STRN: variants seen among roughly 807,000 people sequenced by gnomAD.
The protein encoded by STRN is protein phosphatase 2 regulatory subunit B'''alpha.
STRN carries 53 observed loss-of-function variants against 96.3 expected under a neutral mutation model. The observed-to-expected ratio is 0.55, with a 90% CI of 0.44 to 0.69. The LOEUF is 0.69. STRN is among the 30% of genes least tolerant of loss of function. STRN has a pLI of 0.00. For missense variants in STRN, 987 were observed against 963.9 expected (o/e 1.02, Z -0.32); for synonymous variants, 428 against 355.9 (o/e 1.20, Z -2.28).
rs755554271 is a variant in STRN, at chr2:36,925,122, A to G, written c.321T>C (p.Tyr107=). ...TGAATTACCTTTCCTGTTTAAGAGC[A>G]TACTCCAACATTTTGATCCTCCTCA... ...DLVRRIKMLE[Y]ALKQERAKYH... Residue 107 remains tyrosine (Y), a synonymous_variant, in exon 2 of 18, where the codon TAT becomes TAC. Coordinates refer to ENST00000263918, the MANE Select transcript of STRN (RefSeq NM_003162.4). 4.3e-6 allele frequency: 7 copies of G among 1,612,448 alleles called. No individual in the cohort carries two copies. The Admixed American group carries it at 8.3e-5, about 19-fold the overall frequency.
intron 14 of STRN, among the ~76,000 whole-genome samples, chr2:36,857,218 C>A (rs578053866): frequency 1.3e-5 from 2 of 151,850 alleles, no homozygotes; most frequent in African/African-American, 4.8e-5. Flanking sequence ...TGAGCCACCA[C>A]ACCTGGATTC....
chr2:36,888,837 T>C (rs765369846), intron 7 of STRN, among the ~76,000 whole-genome samples: 4 of 152,012 alleles, frequency 2.6e-5, no homozygotes, highest in African/African-American at 9.7e-5. Context: ...TGTACCACCA[T>C]GCCCGGCTAA....
At chr2:36,902,162 A>G (rs970049589) in intron 5 of STRN, among the ~76,000 whole-genome samples, 1 of 152,232 alleles carries the variant, frequency 6.6e-6, no homozygotes, top group Non-Finnish European at 1.5e-5. Context: ...GATATTTTAT[A>G]TCAAAGATAA....
rs1470991954 is a variant in STRN at position 36,844,930 on chromosome 2, T to C, written c.*4526A>G. 2 of 152,124 alleles carry C rather than the reference T, an allele frequency of 1.3e-5. No homozygotes were observed. The highest frequency in any genetic ancestry group is 2.4e-5 in the African/African-American group (1 of 41,434). The allele number at this position is 152,124 out of a possible 1,614,324, so 9.4% of individuals were successfully genotyped here. A position where few individuals can be genotyped will look rare whatever the true frequency, so the allele number is the denominator to read the frequency against. ...GATACATTTCACAAAAATATACATA[T>C]TTTTCGTCAGCTACTACTTTGTATA... is the stretch of plus-strand genomic sequence containing the variant. On this transcript the variant is annotated 3_prime_UTR_variant, in exon 18 of 18. Coordinates refer to ENST00000263918, the MANE Select transcript of STRN (RefSeq NM_003162.4).
intron 7 of STRN, among the ~76,000 whole-genome samples, chr2:36,890,961 T>A (rs1669380534): frequency 6.6e-6 from 1 of 152,168 alleles, no homozygotes; most frequent in Non-Finnish European, 1.5e-5. Flanking sequence ...CAGGTGACTA[T>A]CCCTTACCCG....
chr2:36,862,553 G>C (rs1668515566), intron 12 of STRN, among the ~76,000 whole-genome samples: 1 of 151,938 alleles, frequency 6.6e-6, no homozygotes, highest in South Asian at 2.1e-4. Flanking sequence ...TCTTCTTCTG[G>C]AAACTATCTG....
chr2:36,911,426 C>T (rs1311859358), intron 3 of STRN, among the ~76,000 whole-genome samples: 1 of 152,172 alleles, frequency 6.6e-6, no homozygotes, highest in Admixed American at 6.5e-5. Flanking sequence ...CAGGGGCCAG[C>T]ACACTACTGC....
At chr2:36,851,553 A>T (rs1222274703) in intron 15 of STRN, among the ~76,000 whole-genome samples, 6 of 152,226 alleles carry the variant, frequency 3.9e-5, no homozygotes, top group Admixed American at 2.0e-4. Flanking sequence ...TAGTTCATTT[A>T]TTCTGTGACT....
rs549187543 is a variant in STRN, at chr2:36,956,280, C to T, written c.234+9950G>A. On this transcript the variant is annotated intron_variant, in intron 1 of 17. Coordinates refer to ENST00000263918, the MANE Select transcript of STRN (RefSeq NM_003162.4). ...CTTACTGGACACCCATCATATATCA[C>T]ATATTTTGCATATTTATCTTTTTTA... is the stretch of plus-strand genomic sequence containing the variant. Among the ~76,000 whole-genome samples the T allele has an allele frequency of 3.4e-4, 52 of 152,288 alleles. 1 individual carries two copies. The South Asian group carries it at 8.7e-3, about 26-fold the overall frequency.
In STRN at chr2:36,842,942, C is replaced by T. The variant is rs1044107239; in HGVS notation, c.*6514G>A. 6.6e-6 allele frequency among the ~76,000 whole-genome samples: 1 copy of T among 152,014 alleles called. No homozygotes were observed. Among genetic ancestry groups the T allele is most frequent in the Non-Finnish European group, 1.5e-5 (1 of 67,994 alleles). On this transcript the variant is annotated 3_prime_UTR_variant, in exon 18 of 18. Transcript: ENST00000263918. Reference sequence around the variant, plus strand: ...AGGTGTTCTGGGAATATTTTATGTGCCAGGACAATGCTGGGGCCCTGCAAA... The same window carrying T: ...AGGTGTTCTGGGAATATTTTATGTGTCAGGACAATGCTGGGGCCCTGCAAA...
intron 2 of STRN, 25 bp downstream of exon 2, chr2:36,925,080 A>C: frequency 1.9e-6 from 3 of 1,581,808 alleles, no homozygotes; most frequent in Non-Finnish European, 2.6e-6. Context: ...AAAAAAGAAC[A>C]CCACTTTTCA....
At chr2:36,878,724 T>TAA (rs1253011014) in intron 9 of STRN, among the ~76,000 whole-genome samples, 1 of 152,094 alleles carries the variant, frequency 6.6e-6, no homozygotes, top group Non-Finnish European at 1.5e-5. Context: ...ATAGTTCATC[T>TAA]AAAATTTTTT....
chr2:36,914,788 G>A (rs958398530), intron 3 of STRN, among the ~76,000 whole-genome samples: 1 of 152,156 alleles, frequency 6.6e-6, no homozygotes, highest in Admixed American at 6.6e-5. Flanking sequence ...CTTAATATCT[G>A]TGTGACGTTG....
chr2:36,874,256 T>A (rs373115505), intron 10 of STRN, among the ~76,000 whole-genome samples: 10 of 146,130 alleles, frequency 6.8e-5, no homozygotes, highest in African/African-American at 2.0e-4. Flanking sequence ...AAAGCAAAAC[T>A]CTGTCTCAAA....
At chr2:36,884,496 T>C (rs772912552) in intron 8 of STRN, among the ~76,000 whole-genome samples, 3 of 152,208 alleles carry the variant, frequency 2.0e-5, no homozygotes, top group Non-Finnish European at 4.4e-5. Context: ...CGAGGTGAAG[T>C]CTCATGCCCT....
intron 1 of STRN, among the ~76,000 whole-genome samples, chr2:36,953,050 T>C (rs774471784): frequency 1.3e-5 from 2 of 152,358 alleles, no homozygotes; most frequent in Non-Finnish European, 2.9e-5. Flanking sequence ...TAACTAGATA[T>C]ACCAGTATTG....
chr2:36,878,575 A>G (rs1188451207), intron 9 of STRN, among the ~76,000 whole-genome samples: 5 of 152,174 alleles, frequency 3.3e-5, no homozygotes, highest in African/African-American at 9.7e-5. Context: ...AAAGGAAGCA[A>G]CAACAGGACT....
intron 1 of STRN, among the ~76,000 whole-genome samples, chr2:36,938,955 T>C (rs185421491): frequency 1.6e-3 from 238 of 152,300 alleles, no homozygotes; most frequent in Non-Finnish European, 1.6e-3. Flanking sequence ...ACCTTCATTT[T>C]CTAAGTGTGT....
intron 14 of STRN, 24 bp from the exon 15 acceptor site, chr2:36,855,376 G>A (rs773188707): frequency 6.2e-7 from 1 of 1,607,192 alleles, no homozygotes; most frequent in East Asian, 2.2e-5. Flanking sequence ...TATTGAAATA[G>A]AATGGCAATT....
Sources: allele counts gnomAD v4.1 joint callset (sites outside exome capture counted in the v4.1 genomes callset), GRCh38; gene constraint gnomAD v4.1.1; transcripts MANE v1.5; gene names NCBI Gene and HGNC (gene_info 2026-07-23, HGNC 2026-07-21).